The following ARSB variants were observed in gnomAD, a reference collection of about 807,000 sequenced individuals.
ARSB encodes arylsulfatase B.
A neutral mutation model predicts 50.9 loss-of-function variants in ARSB; 41 were observed. That is an observed-to-expected ratio of 0.81 (90% confidence interval 0.63 to 1.04). ARSB has a LOEUF of 1.04. Among genes scored for constraint, ARSB ranks in the 50% least tolerant of loss-of-function variants. The pLI is 0.00. For missense variants in ARSB, 672 were observed against 693.3 expected, an observed-to-expected ratio of 0.97 and a Z score of 0.35; for synonymous variants, 269 against 284.8, an observed-to-expected ratio of 0.94 and a Z score of 0.56.
chr5:78,886,887 A>C (rs1223742710), intron 4 of ARSB, among the ~76,000 whole-genome samples: 3 of 152,214 alleles, frequency 2.0e-5, no homozygotes, highest in Admixed American at 6.5e-5. Flanking sequence ...TCAAAGCTAC[A>C]AGATGCATCT....
intron 3 of ARSB, among the ~76,000 whole-genome samples, chr5:78,961,168 T>C (rs1016800262): frequency 2.0e-5 from 3 of 152,222 alleles, no homozygotes; most frequent in African/African-American, 7.2e-5. Context: ...TTCCTTATGC[T>C]ACAATCTATA....
intron 2 of ARSB, among the ~76,000 whole-genome samples, chr5:78,967,328 T>TA (rs1157188769): frequency 6.6e-6 from 1 of 152,180 alleles, no homozygotes; most frequent in African/African-American, 2.4e-5. Context: ...ATCTTGTAAA[T>TA]AATGTAACTC....
chr5:78,819,773 G>A (rs1744137999), intron 6 of ARSB, among the ~76,000 whole-genome samples: 1 of 152,228 alleles, frequency 6.6e-6, no homozygotes. Flanking sequence ...GAGGTAGAGA[G>A]GAAAAAGGCA....
At chr5:78,910,866 A>C (rs1172760273) in intron 4 of ARSB, among the ~76,000 whole-genome samples, 1 of 152,200 alleles carries the variant, frequency 6.6e-6, no homozygotes, top group East Asian at 1.9e-4. Context: ...AAGGGGCCTG[A>C]GAATTTGCCT....
chr5:78,781,437 G>T (rs1327985352), intron 7 of ARSB, among the ~76,000 whole-genome samples: 1 of 144,484 alleles, frequency 6.9e-6, no homozygotes, highest in Non-Finnish European at 1.5e-5. Flanking sequence ...TTGTTACTTC[G>T]GTAAGCTTCT....
At chr5:78,797,476 T>C (rs1190943750) in intron 6 of ARSB, among the ~76,000 whole-genome samples, 1 of 152,226 alleles carries the variant, frequency 6.6e-6, no homozygotes, top group South Asian at 2.1e-4. Flanking sequence ...GCCTTCTCAC[T>C]TCCTTCTCAC....
intron 4 of ARSB, among the ~76,000 whole-genome samples, chr5:78,922,961 T>G (rs1320665388): frequency 6.6e-6 from 1 of 152,174 alleles, no homozygotes; most frequent in Non-Finnish European, 1.5e-5. Flanking sequence ...TCCAACCTGC[T>G]GTGAGTTGGT....
At chr5:78,784,594 T>C (rs548214428) in intron 6 of ARSB, among the ~76,000 whole-genome samples, 3 of 152,296 alleles carry the variant, frequency 2.0e-5, no homozygotes, top group South Asian at 4.1e-4. Flanking sequence ...ACCATTTAGA[T>C]CTTCTATTTC....
intron 4 of ARSB, among the ~76,000 whole-genome samples, chr5:78,895,780 G>C (rs1748534400): frequency 6.6e-6 from 1 of 152,174 alleles, no homozygotes; most frequent in Non-Finnish European, 1.5e-5. Flanking sequence ...CCATGTCTGG[G>C]CTCCGGAAAT....
chr5:78,955,535 G>C (rs1320340517), intron 3 of ARSB, 33 bp from the exon 4 acceptor site: 1 of 1,545,212 alleles, frequency 6.5e-7, no homozygotes, highest in African/African-American at 1.4e-5. Context: ...CCAGTTAAGA[G>C]GATATTGAAG....
At chr5:78,949,692 C>T (rs538576728) in intron 4 of ARSB, among the ~76,000 whole-genome samples, 1 of 152,250 alleles carries the variant, frequency 6.6e-6, no homozygotes, top group Non-Finnish European at 1.5e-5. Flanking sequence ...GGTGGATTGC[C>T]TGAGCTCAGG....
At chr5:78,895,557 CACA>C (rs903149760) in intron 4 of ARSB, among the ~76,000 whole-genome samples, 1 of 152,160 alleles carries the variant, frequency 6.6e-6, no homozygotes, top group Non-Finnish European at 1.5e-5. Context: ...TTGCAAAGGT[CACA>C]ACGATAAGCA....
At chr5:78,939,707 G>C (rs1016339318) in intron 4 of ARSB, among the ~76,000 whole-genome samples, 4 of 152,274 alleles carry the variant, frequency 2.6e-5, no homozygotes, top group African/African-American at 9.6e-5. Flanking sequence ...TTGGTTCCAA[G>C]TCTTTGCTAT....
chr5:78,807,570 TG>T (rs1264506004), intron 6 of ARSB, among the ~76,000 whole-genome samples: 4 of 152,046 alleles, frequency 2.6e-5, no homozygotes, highest in African/African-American at 9.7e-5. Context: ...CCTGAGCCAA[TG>T]GGAGGAAATG....
chr5:78,781,222 C>T (rs75824679), intron 7 of ARSB, among the ~76,000 whole-genome samples: 2,463 of 151,942 alleles, frequency 0.016, 66 homozygotes, highest in African/African-American at 0.056. Flanking sequence ...GCTTGATAGC[C>T]ACATATATTT....
intron 5 of ARSB, among the ~76,000 whole-genome samples, chr5:78,861,819 A>G (rs1291814029): frequency 1.3e-5 from 2 of 152,204 alleles, no homozygotes; most frequent in African/African-American, 4.8e-5. Flanking sequence ...GAGGAAGTCA[A>G]ATTGTCCCTG....
At chr5:78,858,199 A>G (rs901088818) in intron 5 of ARSB, among the ~76,000 whole-genome samples, 1 of 152,164 alleles carries the variant, frequency 6.6e-6, no homozygotes, top group Non-Finnish European at 1.5e-5. Flanking sequence ...TTTATTTTTA[A>G]GGCTCCATAA....
intron 6 of ARSB, among the ~76,000 whole-genome samples, chr5:78,831,901 G>A (rs1744710993): frequency 6.6e-6 from 1 of 152,120 alleles, no homozygotes; most frequent in Non-Finnish European, 1.5e-5. Flanking sequence ...AAATAAAAAT[G>A]CCTTGAAAAT....
At chr5:78,898,011 T>G (rs1748650186) in intron 4 of ARSB, among the ~76,000 whole-genome samples, 1 of 152,164 alleles carries the variant, frequency 6.6e-6, no homozygotes, top group Non-Finnish European at 1.5e-5. Context: ...CTGACGCCTG[T>G]AATCCCAGCA....
Sources: allele counts gnomAD v4.1 joint callset (sites outside exome capture counted in the v4.1 genomes callset), GRCh38; gene constraint gnomAD v4.1.1; transcripts MANE v1.5; gene names NCBI Gene and HGNC (gene_info 2026-07-23, HGNC 2026-07-21).